The following PGBD2 variants were observed in gnomAD, a reference collection of about 807,000 sequenced individuals.
The protein encoded by PGBD2 is piggyBac transposable element derived 2.
A neutral mutation model predicts 8.1 loss-of-function variants in PGBD2; 6 were observed. That is an observed-to-expected ratio of 0.74 (90% CI 0.40 to 1.46). The LOEUF is 1.46. Ranked by LOEUF, PGBD2 falls within the 40% of genes most tolerant of loss-of-function variation. PGBD2 has a pLI of 0.02. For missense variants in PGBD2, 802 were observed against 739.0 expected (o/e 1.09, Z -0.99); for synonymous variants, 318 against 272.2 (o/e 1.17, Z -1.66).
At position 248,913,092 on chromosome 1, in the gene PGBD2, G is replaced by A. The variant is rs112980979; in HGVS notation, c.-47-724G>A. On this transcript the variant is annotated intron_variant, in intron 1 of 2. Coordinates refer to ENST00000329291, the MANE Select transcript of PGBD2 (RefSeq NM_170725.3). ...GCTGGGATTACAGGTGTGAGCCACC[G>A]CGCCTGGCCAGAGCACTCAGATTTT... 7.7e-4 allele frequency among the ~76,000 whole-genome samples: 117 copies of A among 152,152 alleles called. 2 individuals are homozygous for A. The highest frequency in any genetic ancestry group is 2.6e-3 in the African/African-American group (109 of 41,502).
At chr1:248,875,955 G>A in the PGBD2 span, among the ~76,000 whole-genome samples, 3 of 151,150 alleles carry the variant, frequency 2.0e-5, no homozygotes, top group Admixed American at 2.0e-4. Flanking sequence ...CTTGTTCCTA[G>A]AACTGTACAC....
the PGBD2 span, among the ~76,000 whole-genome samples, chr1:248,929,982 C>T: frequency 5.9e-5 from 9 of 152,272 alleles, no homozygotes; most frequent in East Asian, 3.9e-4. Context: ...GTTTCGTTGT[C>T]CTTAAGACTG....
upstream of PGBD2, among the ~76,000 whole-genome samples, chr1:248,904,064 T>C (rs920815390): frequency 7.1e-6 from 1 of 141,320 alleles, no homozygotes; most frequent in Non-Finnish European, 1.5e-5. Context: ...GTCCATTTTC[T>C]TCTTTTTATG....
In PGBD2 at chr1:248,916,626, C is replaced by T. The variant is rs1662106002; in HGVS notation, c.42C>T (p.Ile14=). ...GAGATGTCATTGCTGGGAGAGGTAT[C>T]CACTCAAAGGTGAAGTCTGCAAAGC... ...TSRDVIAGRG[I]HSKVKSAKLL... Residue 14 remains isoleucine, a synonymous_variant, in exon 3 of 3, where the codon ATC becomes ATT. Coordinates refer to ENST00000329291, the MANE Select transcript of PGBD2 (RefSeq NM_170725.3). 1 of 1,613,918 alleles carries T rather than the reference C, an allele frequency of 6.2e-7. No homozygotes were observed.
chr1:248,889,394 AAAAT>A, the PGBD2 span, among the ~76,000 whole-genome samples: 3 of 151,960 alleles, frequency 2.0e-5, no homozygotes, highest in African/African-American at 2.4e-5. Flanking sequence ...TCTCAAAAAG[AAAAT>A]AAATAAATAA....
At chr1:248,909,255 C>G (rs563390409) in intron 1 of PGBD2, among the ~76,000 whole-genome samples, 1 of 152,310 alleles carries the variant, frequency 6.6e-6, no homozygotes, top group East Asian at 1.9e-4. Flanking sequence ...AGTCTACAGA[C>G]TCCTGAAAGG....
the PGBD2 span, among the ~76,000 whole-genome samples, chr1:248,874,040 C>T: frequency 1.4e-4 from 22 of 152,096 alleles, no homozygotes; most frequent in Non-Finnish European, 3.1e-4. Flanking sequence ...ATTGTCTTCT[C>T]CAGGAAGAAG....
chr1:248,916,561 C>T, intron 2 of PGBD2, 41 bp from the exon 3 acceptor site: 1 of 1,569,120 alleles, frequency 6.4e-7, no homozygotes, highest in Non-Finnish European at 8.7e-7. Context: ...CATTGGCTTT[C>T]TGGCATGGCC....
chr1:248,873,747 C>T, the PGBD2 span, among the ~76,000 whole-genome samples: 4 of 152,192 alleles, frequency 2.6e-5, no homozygotes, highest in African/African-American at 9.7e-5. Context: ...GCTGAAACGT[C>T]GCGACCAGTC....
the PGBD2 span, among the ~76,000 whole-genome samples, chr1:248,882,088 G>A: frequency 6.6e-6 from 1 of 152,210 alleles, no homozygotes; most frequent in Admixed American, 6.5e-5. Flanking sequence ...AATGCAATGG[G>A]GCTCTCTCTT....
upstream of PGBD2, among the ~76,000 whole-genome samples, chr1:248,904,653 C>T (rs1181140007): frequency 6.6e-6 from 1 of 152,202 alleles, no homozygotes; most frequent in Admixed American, 6.5e-5. Context: ...CGCCTCAGAG[C>T]ATTTGCACAT....
intron 1 of PGBD2, among the ~76,000 whole-genome samples, chr1:248,909,855 G>A (rs1181953131): frequency 2.0e-5 from 3 of 152,184 alleles, no homozygotes; most frequent in African/African-American, 7.2e-5. Flanking sequence ...CTCAGGAGTG[G>A]TCTGAACCTA....
upstream of PGBD2, among the ~76,000 whole-genome samples, chr1:248,903,040 T>C (rs1025283239): frequency 1.3e-5 from 2 of 152,112 alleles, no homozygotes; most frequent in African/African-American, 4.8e-5. Context: ...AAACAAGTTT[T>C]TTTGTAGAGA....
At chr1:248,895,772 C>G in the PGBD2 span, among the ~76,000 whole-genome samples, 2 of 151,958 alleles carry the variant, frequency 1.3e-5, no homozygotes, top group African/African-American at 4.8e-5. Context: ...ACTGCAACTT[C>G]CGCCTCCCAG....
intron 1 of PGBD2, among the ~76,000 whole-genome samples, chr1:248,912,481 AG>A (rs1161673804): frequency 2.0e-5 from 3 of 152,186 alleles, no homozygotes; most frequent in African/African-American, 7.2e-5. Flanking sequence ...AAGATATGAA[AG>A]GACTGAAATG....
chr1:248,925,717 A>G, the PGBD2 span, among the ~76,000 whole-genome samples: 1 of 152,102 alleles, frequency 6.6e-6, no homozygotes, highest in African/African-American at 2.4e-5. Flanking sequence ...AATAAGGGAA[A>G]GAGAGAGGGA....
chr1:248,887,342 T>C, the PGBD2 span, among the ~76,000 whole-genome samples: 1 of 152,210 alleles, frequency 6.6e-6, no homozygotes, highest in African/African-American at 2.4e-5. Flanking sequence ...TTCCTCAGTC[T>C]TTCCTTGTCT....
chr1:248,906,709 C>G (rs1382076968), intron 1 of PGBD2, among the ~76,000 whole-genome samples: 1 of 139,198 alleles, frequency 7.2e-6, no homozygotes, highest in Middle Eastern at 3.2e-3. Context: ...AGGCTGGCGG[C>G]GGGACTGCGA....
Position 248,917,069 on chromosome 1 carries a change from A to G in PGBD2, c.485A>G (p.Asn162Ser), listed in dbSNP as rs550364863. Reference protein sequence around the residue: ...GTINFIVNETNRYAWQKNVNL... With the variant: ...GTINFIVNETSRYAWQKNVNL... ...ATTAATTTCATTGTTAATGAAACCA[A>G]TCGTTATGCTTGGCAGAAAAATGTC... Residue 162 changes from asparagine to serine, a missense_variant, in exon 3 of 3, where the codon AAT (asparagine) becomes AGT (serine). By Grantham distance (46) the Asn-to-Ser change is conservative. Transcript: ENST00000329291. 16 of 1,613,810 alleles carry G rather than the reference A, an allele frequency of 9.9e-6. No homozygotes were observed. Among genetic ancestry groups the G allele is most frequent in the Middle Eastern group, 1.6e-4 (1 of 6,062 alleles).
Sources: allele counts gnomAD v4.1 joint callset (sites outside exome capture counted in the v4.1 genomes callset), GRCh38; gene constraint gnomAD v4.1.1; transcripts MANE v1.5; gene names NCBI Gene and HGNC (gene_info 2026-07-23, HGNC 2026-07-21).